Variants in PRKAR1B observed in about 807,000 individuals in gnomAD.
The protein encoded by PRKAR1B is protein kinase cAMP-dependent type I regulatory subunit beta, also known as cAMP-dependent protein kinase type I-beta regulatory subunit.
Under a neutral mutation model 46.5 loss-of-function variants are expected in PRKAR1B, and 22 were observed. The ratio of observed to expected loss-of-function variants is 0.47; its 90% CI spans 0.34 to 0.68. The LOEUF (loss-of-function observed/expected upper bound fraction) is 0.68, where lower values mean the gene tolerates loss of function less well. PRKAR1B is among the 30% of genes least tolerant of loss of function. The pLI, the probability that PRKAR1B is intolerant of heterozygous loss-of-function variation, is 0.01. For missense variants in PRKAR1B, 445 were observed against 535.6 expected, an observed-to-expected ratio of 0.83 and a Z score of 1.67; for synonymous variants, 259 against 217.7, an observed-to-expected ratio of 1.19 and a Z score of -1.67.
At chr7:693,002 T>G (rs1454425655) in intron 2 of PRKAR1B, among the ~76,000 whole-genome samples, 1 of 151,950 alleles carries the variant, frequency 6.6e-6, no homozygotes, top group Non-Finnish European at 1.5e-5. Context: ...TGGTGCGATC[T>G]CGGCTCACTG....
intron 9 of PRKAR1B, among the ~76,000 whole-genome samples, chr7:559,261 C>A (rs1778638620): frequency 6.6e-6 from 1 of 152,184 alleles, no homozygotes; most frequent in South Asian, 2.1e-4. Flanking sequence ...AAGGCCCAGC[C>A]ACCAGCAAAG....
rs762028521 is a variant in PRKAR1B at position 550,615 on chromosome 7, G to A, written c.974-13C>T. 1.3e-6 allele frequency: 2 copies of A among 1,545,076 alleles called. No individual in the cohort carries two copies. Among genetic ancestry groups the A allele is most frequent in the Admixed American group, 2.0e-5 (1 of 49,136 alleles). On this transcript the variant is annotated splice_polypyrimidine_tract_variant and intron_variant, in intron 10 of 10. Transcript: ENST00000537384. Reference sequence around the variant, plus strand: ...AGTGCAATCTCCCCTGGGGGTTGAAGAGAGAGGTCAGGGCTGGGCCTGGGG... The same window carrying A: ...AGTGCAATCTCCCCTGGGGGTTGAAAAGAGAGGTCAGGGCTGGGCCTGGGG...
chr7:610,265 C>G (rs1782398976), intron 4 of PRKAR1B, among the ~76,000 whole-genome samples: 1 of 152,216 alleles, frequency 6.6e-6, no homozygotes, highest in South Asian at 2.1e-4. Flanking sequence ...CAGGGGTGGG[C>G]TGAAACCCTT....
chr7:632,883 C>A (rs199547101), intron 4 of PRKAR1B, among the ~76,000 whole-genome samples: 1,728 of 152,346 alleles, frequency 0.011, 20 homozygotes, highest in Non-Finnish European at 0.018. Context: ...ACGGCCGGCA[C>A]CCGTCAGCCC....
intron 7 of PRKAR1B, among the ~76,000 whole-genome samples, chr7:589,366 TG>T (rs1303660823): frequency 6.6e-6 from 1 of 151,844 alleles, no homozygotes; most frequent in Non-Finnish European, 1.5e-5. Context: ...AGCTCAGAAA[TG>T]GGGTCAGACA....
intron 9 of PRKAR1B, among the ~76,000 whole-genome samples, chr7:570,424 G>A (rs778247150): frequency 2.2e-4 from 34 of 152,276 alleles, no homozygotes; most frequent in South Asian, 6.2e-4. Context: ...CCGCTCTTGC[G>A]TAGCCTCGCC....
rs1781125930 is a variant in PRKAR1B, at chr7:593,946, C to T, written c.708+2200G>A. The stretch of plus-strand genomic sequence containing the variant: ...ACGCGCCATCCACAAAACACAAGAG[C>T]CGGCATCGCCGTGGGGCCGGGACAG... On this transcript the variant is annotated intron_variant, in intron 7 of 10. Coordinates refer to ENST00000537384, the MANE Select transcript of PRKAR1B (RefSeq NM_001164760.2). This position sits in a 1 kb window ranked among gnomAD's most constrained non-coding sequence, Gnocchi z 6.1. Among the ~76,000 whole-genome samples the T allele has an allele frequency of 6.6e-6, 1 of 152,184 alleles. No individual in the cohort carries two copies. The highest frequency in any genetic ancestry group is 2.4e-5 in the African/African-American group (1 of 41,444).
At chr7:604,554 G>A (rs775221434) in intron 6 of PRKAR1B, among the ~76,000 whole-genome samples, 8 of 152,230 alleles carry the variant, frequency 5.3e-5, no homozygotes, top group Non-Finnish European at 7.3e-5. Flanking sequence ...CCGCCTGCGC[G>A]GGCCAGGCCC....
At chr7:611,275 G>A (rs1001914556) in intron 4 of PRKAR1B, among the ~76,000 whole-genome samples, 1 of 152,182 alleles carries the variant, frequency 6.6e-6, no homozygotes, top group African/African-American at 2.4e-5. Context: ...CCCTCTCTCT[G>A]TCTCTCTCTC....
intron 2 of PRKAR1B, among the ~76,000 whole-genome samples, chr7:684,560 G>C (rs771010785): frequency 2.6e-5 from 4 of 152,142 alleles, no homozygotes; most frequent in Non-Finnish European, 5.9e-5. Flanking sequence ...ATGTGAAGCA[G>C]GTTCTCCCGG....
chr7:638,492 C>T (rs116508951), intron 4 of PRKAR1B, among the ~76,000 whole-genome samples: 2,588 of 152,274 alleles, frequency 0.017, 73 homozygotes, highest in African/African-American at 0.058. Context: ...CTCCTAGACA[C>T]ATCACGGGGC....
intron 5 of PRKAR1B, among the ~76,000 whole-genome samples, chr7:606,827 T>C (rs2128464664): frequency 6.6e-6 from 1 of 152,224 alleles, no homozygotes; most frequent in South Asian, 2.1e-4. Flanking sequence ...TTTATACATA[T>C]GTATATATTT....
chr7:656,434 T>G (rs530848214), intron 4 of PRKAR1B, among the ~76,000 whole-genome samples: 1 of 152,248 alleles, frequency 6.6e-6, no homozygotes, highest in East Asian at 1.9e-4. Flanking sequence ...AATGAATGGA[T>G]AAGTGGGTGA....
rs568213079 is a variant in PRKAR1B, at chr7:724,989, C to T, written c.-23+2221G>A. ...CAGCACTCTGGGAGGCTGAGGCGGG[C>T]GGATCACGAGGTCAGGACATCGAGA... On this transcript the variant is annotated intron_variant, in intron 1 of 10. Coordinates refer to ENST00000537384, the MANE Select transcript of PRKAR1B (RefSeq NM_001164760.2). Among the ~76,000 whole-genome samples the T allele has an allele frequency of 9.9e-5, 15 of 152,192 alleles. No individual in the cohort carries two copies. The East Asian group carries it at 1.9e-3, about 20-fold the overall frequency.
chr7:717,960 C>T lies in PRKAR1B; in HGVS notation c.-22-6433G>A, dbSNP rs181738704. Among the ~76,000 whole-genome samples the T allele has an allele frequency of 2.6e-3, 397 of 152,224 alleles. 3 individuals are homozygous for T. The highest frequency in any genetic ancestry group is 8.9e-3 in the African/African-American group (371 of 41,534). On this transcript the variant is annotated intron_variant, in intron 1 of 10. Transcript: ENST00000537384. Reference sequence around the variant, plus strand: ...ACATATGATTCATGGCAACATCTGCCTTGCCAGGGGACTCTCTCCCTTGCT... The same window carrying T: ...ACATATGATTCATGGCAACATCTGCTTTGCCAGGGGACTCTCTCCCTTGCT...
intron 9 of PRKAR1B, among the ~76,000 whole-genome samples, chr7:551,940 A>G (rs1431583438): frequency 1.8e-4 from 6 of 33,910 alleles, no homozygotes; most frequent in East Asian, 8.1e-4. Context: ...CCAAACCCCC[A>G]CCTCCCGCCC....
intron 1 of PRKAR1B, among the ~76,000 whole-genome samples, chr7:715,778 T>G (rs1173158540): frequency 2.6e-5 from 4 of 152,014 alleles, no homozygotes; most frequent in Non-Finnish European, 4.4e-5. Context: ...TGCAGTGGCG[T>G]GATCTCTGCT....
At chr7:678,728 A>G (rs1454599827) in intron 3 of PRKAR1B, among the ~76,000 whole-genome samples, 3 of 152,342 alleles carry the variant, frequency 2.0e-5, no homozygotes, top group African/African-American at 7.2e-5. Context: ...CCCTGTGCAG[A>G]CGTCTTTGAG....
At position 554,813 on chromosome 7, in the gene PRKAR1B, G is replaced by A. The variant is rs537023424; in HGVS notation, c.892-3343C>T. ...AGAGCCGGAAGACAGGGGAGACCAC[G>A]GATCCTGCAGAGCCGGAAGACAGGG... On this transcript the variant is annotated intron_variant, in intron 9 of 10. Coordinates refer to ENST00000537384, the MANE Select transcript of PRKAR1B (RefSeq NM_001164760.2). Among the ~76,000 whole-genome samples, 15 of 150,658 alleles carry A rather than the reference G, an allele frequency of 1.0e-4. No individual in the cohort carries two copies. In the East Asian group the frequency reaches 1.4e-3, roughly 14 times the overall value.
Sources: allele counts gnomAD v4.1 joint callset (sites outside exome capture counted in the v4.1 genomes callset), GRCh38; gene constraint gnomAD v4.1.1; non-coding constraint Gnocchi (gnomAD v3.1); transcripts MANE v1.5; gene names NCBI Gene and HGNC (gene_info 2026-07-23, HGNC 2026-07-21).